ZNF585B: variants seen among roughly 807,000 people sequenced by gnomAD.
The protein encoded by ZNF585B is zinc finger protein 41-like protein.
Under a neutral mutation model 14.0 loss-of-function variants are expected in ZNF585B, and 7 were observed. The ratio of observed to expected loss-of-function variants is 0.50; its 90% CI spans 0.28 to 0.94. ZNF585B has a LOEUF of 0.94. ZNF585B is among the 40% of genes least tolerant of loss of function. The pLI is 0.09. For missense variants in ZNF585B, 750 were observed against 924.4 expected (o/e 0.81, Z 2.45); for synonymous variants, 290 against 317.3 (o/e 0.91, Z 0.91).
At chr19:37,189,560 G>A in intron 4 of ZNF585B, 101 bp downstream of exon 4, 2 of 1,304,466 alleles carry the variant, frequency 1.5e-6, no homozygotes, top group Non-Finnish European at 1.1e-6. Flanking sequence ...ACTGAAGAGT[G>A]GTCTTAATAG....
At chr19:37,191,095 C>A (rs1226667634) in intron 2 of ZNF585B, among the ~76,000 whole-genome samples, 1 of 152,030 alleles carries the variant, frequency 6.6e-6, no homozygotes, top group Non-Finnish European at 1.5e-5. Flanking sequence ...CTCTTAAGCA[C>A]CACAAAATGC....
At chr19:37,195,728 AAAG>A (rs1304150944) in intron 2 of ZNF585B, among the ~76,000 whole-genome samples, 4 of 150,944 alleles carry the variant, frequency 2.6e-5, no homozygotes, top group South Asian at 2.1e-4. Context: ...CCAAACTTAC[AAAG>A]AAGAATTAGT....
intron 2 of ZNF585B, among the ~76,000 whole-genome samples, chr19:37,197,391 T>C (rs1385738419): frequency 6.6e-6 from 1 of 152,140 alleles, no homozygotes; most frequent in African/African-American, 2.4e-5. Flanking sequence ...TGATGGACAT[T>C]TGGGTTGGTT....
intron 2 of ZNF585B, among the ~76,000 whole-genome samples, chr19:37,203,697 C>T (rs1053631700): frequency 3.3e-5 from 5 of 152,086 alleles, no homozygotes; most frequent in Admixed American, 6.6e-5. Flanking sequence ...GGTGTAATCT[C>T]GGCTCACCGA....
intron 2 of ZNF585B, among the ~76,000 whole-genome samples, chr19:37,205,599 G>A (rs1317381870): frequency 2.6e-5 from 4 of 152,138 alleles, no homozygotes; most frequent in Non-Finnish European, 4.4e-5. Flanking sequence ...TATCACTACC[G>A]GGAGACACAG....
intron 2 of ZNF585B, among the ~76,000 whole-genome samples, chr19:37,193,825 C>T (rs181881358): frequency 1.3e-5 from 2 of 152,244 alleles, no homozygotes; most frequent in African/African-American, 2.4e-5. Context: ...ACGAATCATA[C>T]TAACCAAATG....
rs1972342616 is a variant in ZNF585B, at chr19:37,186,901, T to A, written c.636A>T (p.Lys212Asn). 1.2e-6 allele frequency: 2 copies of A among 1,614,014 alleles called. No individual in the cohort carries two copies. The highest frequency in any genetic ancestry group is 1.7e-4 in the Middle Eastern group (1 of 6,056). ...FRHHRIHTGE[K>N]LYECSECGKG... ...TCCCACATTCACTACATTCATATAG[T>A]TTTTCTCCGGTATGAATTCTGTGAT... Residue 212 changes from lysine (K) to asparagine (N), a missense_variant, in exon 5 of 5, where the codon AAA becomes AAT. By Grantham distance (94) the Lys-to-Asn change is moderately conservative. Coordinates refer to ENST00000532828, the MANE Select transcript of ZNF585B (RefSeq NM_152279.4).
chr19:37,195,356 A>G (rs1348995923), intron 2 of ZNF585B, among the ~76,000 whole-genome samples: 2 of 144,116 alleles, frequency 1.4e-5, no homozygotes, highest in African/African-American at 5.3e-5. Context: ...AAAAAAAAAA[A>G]AAAAAAAAAA....
intron 4 of ZNF585B, among the ~76,000 whole-genome samples, chr19:37,188,217 T>C (rs902738582): frequency 6.6e-6 from 1 of 152,222 alleles, no homozygotes; most frequent in South Asian, 2.1e-4. Flanking sequence ...CCGGGCATGG[T>C]GCCTCATACC....
intron 2 of ZNF585B, among the ~76,000 whole-genome samples, chr19:37,190,770 T>C (rs550580101): frequency 2.0e-5 from 3 of 152,106 alleles, no homozygotes; most frequent in South Asian, 2.1e-4. Context: ...TTCACCATGT[T>C]GGCCAGAATG....
intron 2 of ZNF585B, among the ~76,000 whole-genome samples, chr19:37,206,627 T>C (rs962040384): frequency 1.3e-5 from 2 of 151,764 alleles, no homozygotes; most frequent in Non-Finnish European, 2.9e-5. Flanking sequence ...AGAAAAGAAA[T>C]GGAGAAGCAA....
intron 2 of ZNF585B, among the ~76,000 whole-genome samples, chr19:37,197,182 C>G (rs1287253895): frequency 6.6e-6 from 1 of 151,914 alleles, no homozygotes; most frequent in South Asian, 2.1e-4. Context: ...ACCCTGTGTC[C>G]AAGTGATCTC....
intron 2 of ZNF585B, among the ~76,000 whole-genome samples, chr19:37,198,588 T>A (rs1349551932): frequency 6.6e-6 from 1 of 151,610 alleles, no homozygotes; most frequent in Non-Finnish European, 1.5e-5. Flanking sequence ...ATACAAAAAT[T>A]AGCTGGGTGT....
At chr19:37,195,886 C>T (rs1374066161) in intron 2 of ZNF585B, 3 of 152,106 alleles carry the variant, frequency 2.0e-5, no homozygotes, top group South Asian at 2.1e-4. Context: ...ATTACCTGGG[C>T]GTGGTGGTGC....
rs71177429 is a variant in ZNF585B at position 37,195,345 on chromosome 19, C to CAAAAAAA, written c.73-5202_73-5196dup. Among the ~76,000 whole-genome samples the CAAAAAAA allele has an allele frequency of 6.5e-3, 93 of 14,302 alleles. 2 individuals carry two copies. Among genetic ancestry groups the CAAAAAAA allele is most frequent in the African/African-American group, 0.017 (76 of 4,466 alleles). 9.4% of individuals were successfully genotyped at this position (14,302 alleles called of 152,430 possible). A position where few individuals can be genotyped will look rare whatever the true frequency, so the allele number is the denominator to read the frequency against. ...TAGGCAACAGAGCGAGACTCTGACTCAAAAAAAAAAAAAAAAAAAAAAAAA... is the reference window on the plus strand; with the variant it reads ...TAGGCAACAGAGCGAGACTCTGACTCAAAAAAAAAAAAAAAAAAAAAAAAAAAAAAAA... On this transcript the variant is annotated intron_variant, in intron 2 of 4. Transcript: ENST00000532828.
Position 37,186,491 on chromosome 19 carries a change from C to T in ZNF585B, c.1046G>A (p.Ser349Asn). ...AGTACATATGGAAGATTTCTCTCTA[C>T]TTTGAATCTTCTCATGTGTAATGAG... ...SNLITHEKIQSREKSSICTEC... is the reference protein window; with the variant it reads ...SNLITHEKIQNREKSSICTEC... Residue 349 changes from serine (S) to asparagine (N), a missense_variant, in exon 5 of 5, where the codon AGT (serine) becomes AAT (asparagine). Ser to Asn is a conservative substitution (Grantham distance 46). Transcript: ENST00000532828. 9 of 1,614,172 alleles carry T rather than the reference C, an allele frequency of 5.6e-6. No individual in the cohort carries two copies. The highest frequency in any genetic ancestry group is 7.6e-6 in the Non-Finnish European group (9 of 1,180,032).
intron 2 of ZNF585B, among the ~76,000 whole-genome samples, chr19:37,194,524 A>G (rs1476525250): frequency 6.6e-6 from 1 of 152,068 alleles, no homozygotes; most frequent in Non-Finnish European, 1.5e-5. Flanking sequence ...GAGGGAGGAG[A>G]ATTGTTTGAA....
rs1259178626 is a variant in ZNF585B at position 37,185,820 on chromosome 19, T to C, written c.1717A>G (p.Thr573Ala). 1 of 1,610,108 alleles carries C rather than the reference T, an allele frequency of 6.2e-7. No individual in the cohort carries two copies. The highest frequency in any genetic ancestry group is 1.7e-5 in the Admixed American group (1 of 59,390). The change falls in exon 5 of 5, where the codon ACA (threonine) becomes GCA (alanine). Residue 573 changes from threonine (T) to alanine (A), a missense_variant. Thr to Ala is a moderately conservative substitution (Grantham distance 58). This residue lies in a region of ZNF585B where 233 missense variants were observed against 354.1 expected (regional missense o/e 0.66). Coordinates refer to ENST00000532828, the MANE Select transcript of ZNF585B (RefSeq NM_152279.4). ...SILIVHQKIHTGEKPYVCTEC... is the reference protein window; with the variant it reads ...SILIVHQKIHAGEKPYVCTEC... ...GTGCATACATAGGGTTTCTCTCCTG[T>C]ATGAATTTTCTGATGAACAATGAGT... is the stretch of plus-strand genomic sequence containing the variant.
intron 2 of ZNF585B, among the ~76,000 whole-genome samples, chr19:37,195,327 CAG>C (rs1972451427): frequency 9.6e-6 from 1 of 104,048 alleles, no homozygotes; most frequent in Non-Finnish European, 1.7e-5. Flanking sequence ...GCCTAGGCAA[CAG>C]AGCGAGACTC....
Sources: gnomAD v4.1 joint callset for allele counts (sites outside exome capture counted in the v4.1 genomes callset) on GRCh38, gnomAD v4.1.1 for gene constraint, gnomAD v4.1.1 regional missense constraint, MANE v1.5 for transcripts, NCBI Gene and HGNC (gene_info 2026-07-23, HGNC 2026-07-21) for gene names.